Variants in ZNF91 observed in about 807,000 individuals in gnomAD.
The protein encoded by ZNF91 is zinc finger protein 91 (HPF7, HTF10).
ZNF91 carries 7 observed loss-of-function variants against 12.6 expected under a neutral mutation model. That is an observed-to-expected ratio of 0.55 (90% CI 0.31 to 1.04). The LOEUF (loss-of-function observed/expected upper bound fraction) is 1.04, where lower values mean the gene tolerates loss of function less well. ZNF91 is among the 50% of genes least tolerant of loss of function. ZNF91 has a pLI of 0.05. For synonymous variants in ZNF91, 453 were observed against 462.6 expected (o/e 0.98, Z 0.27); for missense variants, 1,217 against 1,385.4 (o/e 0.88, Z 1.93).
intron 1 of ZNF91, among the ~76,000 whole-genome samples, chr19:23,331,500 T>C (rs561934722): frequency 6.6e-6 from 1 of 152,352 alleles, no homozygotes; most frequent in South Asian, 2.1e-4. Context: ...AATTACTCTT[T>C]CTTCAGGAAA....
At chr19:23,325,970 C>T (rs1967828918) in intron 1 of ZNF91, 1 of 151,940 alleles carries the variant, frequency 6.6e-6, no homozygotes, top group Admixed American at 6.6e-5. Flanking sequence ...CCCTCATCTG[C>T]TTCCAAACCA....
At chr19:23,349,957 T>C (rs999063868) in intron 3 of ZNF91, among the ~76,000 whole-genome samples, 1 of 152,174 alleles carries the variant, frequency 6.6e-6, no homozygotes, top group Non-Finnish European at 1.5e-5. Flanking sequence ...GGACTGAGGA[T>C]AGTTCATGGG....
At chr19:23,340,630 A>G (rs554616032) in intron 3 of ZNF91, among the ~76,000 whole-genome samples, 76 of 152,204 alleles carry the variant, frequency 5.0e-4, no homozygotes, top group Non-Finnish European at 8.4e-4. Context: ...TGAAACTCTT[A>G]CCAAAAATTG....
chr19:23,361,563 T>C lies in ZNF91; in HGVS notation c.1416A>G (p.Ile472Met), dbSNP rs772934209. Residue 472 changes from isoleucine (I) to methionine (M), a missense_variant, in exon 4 of 4, where the codon ATA (isoleucine) becomes ATG (methionine). Physicochemically the swap from Ile to Met is conservative, Grantham distance 10. Coordinates refer to ENST00000300619, the MANE Select transcript of ZNF91 (RefSeq NM_003430.4). ...TATGTCTAGTTAGGGTTGAAGACCA[T>C]ATAAATGCTTTGCCACATTCTTTAC... ...FKCKECGKAF[I>M]WSSTLTRHKR... 10 of 1,613,206 alleles carry C rather than the reference T, an allele frequency of 6.2e-6. No individual in the cohort carries two copies. Among genetic ancestry groups the C allele is most frequent in the Non-Finnish European group, 8.5e-6 (10 of 1,179,680 alleles).
In ZNF91 at chr19:23,345,501, C is replaced by A. The variant is rs142459201; in HGVS notation, c.254-6447G>T. Among the ~76,000 whole-genome samples, 359 of 152,272 alleles carry A rather than the reference C, an allele frequency of 2.4e-3. 1 individual carries two copies. The highest frequency in any genetic ancestry group is 7.0e-3 in the African/African-American group (291 of 41,536). On this transcript the variant is annotated intron_variant, in intron 3 of 3. Coordinates refer to the ZNF91 transcript ENST00000599743. ...TGAGGAGAAATTACTTATATCCAGG[C>A]CTTTTTTGCACTCAGATCACAACCC...
chr19:23,318,235 T>C (rs1329272657), intron 1 of ZNF91, among the ~76,000 whole-genome samples: 1 of 152,168 alleles, frequency 6.6e-6, no homozygotes, highest in East Asian at 1.9e-4. Flanking sequence ...CATTGTGATA[T>C]ATTACTGGGT....
intron 1 of ZNF91, among the ~76,000 whole-genome samples, chr19:23,377,778 T>G (rs1038439432): frequency 6.6e-6 from 1 of 152,212 alleles, no homozygotes; most frequent in East Asian, 1.9e-4. Context: ...CATGTGCACA[T>G]GTACTAATGC....
chr19:23,334,007 A>C (rs1967965288), downstream of ZNF91, among the ~76,000 whole-genome samples: 1 of 152,170 alleles, frequency 6.6e-6, no homozygotes, highest in South Asian at 2.1e-4. Context: ...TTCACCAGTG[A>C]CTCACAAACA....
intron 1 of ZNF91, among the ~76,000 whole-genome samples, chr19:23,333,193 CTG>C (rs1334076690): frequency 6.6e-6 from 1 of 152,174 alleles, no homozygotes; most frequent in Non-Finnish European, 1.5e-5. Context: ...AGATTTCAAA[CTG>C]TACACTCATA....
At chr19:23,317,454 A>G (rs1967590825) in intron 1 of ZNF91, among the ~76,000 whole-genome samples, 1 of 152,152 alleles carries the variant, frequency 6.6e-6, no homozygotes, top group African/African-American at 2.4e-5. Context: ...GGTAAAAATT[A>G]TAAACATGGG....
chr19:23,332,701 T>C (rs1967946868), intron 1 of ZNF91, among the ~76,000 whole-genome samples: 1 of 152,192 alleles, frequency 6.6e-6, no homozygotes, highest in African/African-American at 2.4e-5. Flanking sequence ...CAACACCTCA[T>C]TTTACCTAAT....
At chr19:23,334,302 G>A (rs1442051148), downstream of ZNF91, among the ~76,000 whole-genome samples, 1 of 151,962 alleles carries the variant, frequency 6.6e-6, no homozygotes, top group Non-Finnish European at 1.5e-5. Context: ...TGGATGAGGG[G>A]CTCAGCTGTG....
chr19:23,381,478 T>G (rs1330750828), intron 1 of ZNF91, among the ~76,000 whole-genome samples: 1 of 139,946 alleles, frequency 7.1e-6, no homozygotes, highest in African/African-American at 2.5e-5. Flanking sequence ...TTTTTTTTTT[T>G]GAGACTGAGT....
At chr19:23,335,141 A>G (rs192073659), downstream of ZNF91, among the ~76,000 whole-genome samples, 9 of 152,190 alleles carry the variant, frequency 5.9e-5, no homozygotes, top group Non-Finnish European at 1.2e-4. Context: ...AGAGCAACAG[A>G]TATTGCAGAA....
rs534237127 is a variant in ZNF91, at chr19:23,393,588, C to T, written c.30+1737G>A. Among the ~76,000 whole-genome samples the T allele has an allele frequency of 2.6e-5, 4 of 152,180 alleles. No individual in the cohort carries two copies. In the South Asian group the frequency reaches 6.2e-4, roughly 24 times the overall value. On this transcript the variant is annotated intron_variant, in intron 1 of 3. Transcript: ENST00000300619. ...GTCTAGGGAAAATAGACGAAAAAAA[C>T]GCACAGAGATATTTTACCATACAGT... is the stretch of plus-strand genomic sequence containing the variant.
Position 23,361,608 on chromosome 19 carries a change from A to G in ZNF91, c.1371T>C (p.Thr457=), listed in dbSNP as rs553488184. Residue 457 remains threonine (T), a synonymous_variant, in exon 4 of 4, where the codon ACT becomes ACC. Transcript: ENST00000300619. ...SSLTKHKRFH[T]REKPFKCKEC... The stretch of plus-strand genomic sequence containing the variant: ...CTTTACATTTGAAGGGTTTCTCTCT[A>G]GTATGAAATCTTTTATGTTTAGTAA... 8.5e-5 allele frequency: 137 copies of G among 1,613,818 alleles called. No homozygotes were observed. The South Asian group carries it at 1.3e-3, about 16-fold the overall frequency.
chr19:23,324,806 A>G (rs1322810980), intron 1 of ZNF91: 7 of 152,148 alleles, frequency 4.6e-5, no homozygotes, highest in East Asian at 2.0e-4. Context: ...TTCTGGGCGC[A>G]AGCTCTCTAA....
chr19:23,331,214 A>G (rs1599694338), intron 1 of ZNF91, among the ~76,000 whole-genome samples: 1 of 152,306 alleles, frequency 6.6e-6, no homozygotes, highest in East Asian at 1.9e-4. Flanking sequence ...TGTATATGTT[A>G]GACCTTCTAT....
chr19:23,308,533 C>T (rs1967427908), intron 2 of ZNF91: 3 of 152,116 alleles, frequency 2.0e-5, no homozygotes, highest in Admixed American at 1.3e-4. Context: ...CTAGGGCCAG[C>T]ACACAAGTGA....
Sources: gnomAD v4.1 joint callset for allele counts (sites outside exome capture counted in the v4.1 genomes callset) on GRCh38, gnomAD v4.1.1 for gene constraint, MANE v1.5 for transcripts, NCBI Gene and HGNC (gene_info 2026-07-23, HGNC 2026-07-21) for gene names.